Variants in CHCHD6 observed in about 807,000 individuals in gnomAD.
CHCHD6 encodes the protein MICOS complex subunit MIC25.
In CHCHD6, 28 loss-of-function variants were observed where a neutral mutation model predicts 32.3. The ratio of observed to expected loss-of-function variants is 0.87; its 90% CI spans 0.64 to 1.19. CHCHD6 has a LOEUF of 1.19. Among genes scored for constraint, CHCHD6 ranks in the 50% most tolerant of loss-of-function variants. The pLI is 0.00. For missense variants in CHCHD6, 333 were observed against 307.0 expected (o/e 1.08, Z -0.63); for synonymous variants, 122 against 117.5 (o/e 1.04, Z -0.25).
intron 6 of CHCHD6, among the ~76,000 whole-genome samples, chr3:126,947,977 C>T (rs1444914902): frequency 6.6e-6 from 1 of 152,190 alleles, no homozygotes; most frequent in African/African-American, 2.4e-5. Context: ...TGGCATGGAG[C>T]CTGGCATGTG....
chr3:126,772,462 C>T (rs988902609), intron 4 of CHCHD6, among the ~76,000 whole-genome samples: 12 of 152,124 alleles, frequency 7.9e-5, no homozygotes, highest in South Asian at 2.1e-4. Context: ...GTTAGGTCTT[C>T]GTGTTAAATT....
At chr3:126,865,068 T>TCCA (rs1188143422) in intron 5 of CHCHD6, among the ~76,000 whole-genome samples, 1 of 68,116 alleles carries the variant, frequency 1.5e-5, no homozygotes, top group South Asian at 5.8e-4. Flanking sequence ...CTCCTCCTTT[T>TCCA]CCACCACCTC....
Position 126,816,812 on chromosome 3 carries a change from G to A in CHCHD6, c.412-35835G>A, listed in dbSNP as rs146016261. 5.8e-3 allele frequency among the ~76,000 whole-genome samples: 880 copies of A among 152,024 alleles called. 5 individuals carry two copies. The highest frequency in any genetic ancestry group is 0.019 in the African/African-American group (798 of 41,420). ...TGTGCCATGTTGGTGTGCTGCACCC[G>A]TTAACTCGTCATTTACATTAGGTAT... On this transcript the variant is annotated intron_variant, in intron 4 of 7. Coordinates refer to ENST00000290913, the MANE Select transcript of CHCHD6 (RefSeq NM_032343.3).
At chr3:126,802,645 A>C (rs1302527338) in intron 4 of CHCHD6, among the ~76,000 whole-genome samples, 1 of 152,242 alleles carries the variant, frequency 6.6e-6, no homozygotes, top group South Asian at 2.1e-4. Flanking sequence ...ACTCTGCAGG[A>C]TATTATCCAG....
Position 126,730,636 on chromosome 3 carries a change from CCCGAGAGCCTGCTTGCT to C in CHCHD6, c.266+9_266+25del. 6.2e-7 allele frequency: 1 copy of C among 1,613,006 alleles called. No individual in the cohort carries two copies. Among genetic ancestry groups the C allele is most frequent in the South Asian group, 1.1e-5 (1 of 91,002 alleles). On this transcript the variant is annotated splice_region_variant and intron_variant, in intron 3 of 7. Coordinates refer to ENST00000290913, the MANE Select transcript of CHCHD6 (RefSeq NM_032343.3). ...ATGAAGGAGGGTGTCAAGAGGTGAGCCCGAGAGCCTGCTTGCTCCCGGCACTGCGCTCCGCCTAAAAG... is the reference window on the plus strand; with the variant it reads ...ATGAAGGAGGGTGTCAAGAGGTGAGCCCCGGCACTGCGCTCCGCCTAAAAG...
intron 1 of CHCHD6, among the ~76,000 whole-genome samples, chr3:126,721,701 A>ACCCCCCCCCCCCCCCC (rs1935302116): frequency 7.5e-6 from 1 of 133,794 alleles, no homozygotes; most frequent in African/African-American, 2.8e-5. Flanking sequence ...CATTTTCATC[A>ACCCCCCCCCCCCCCCC]CCCCCACCCC....
intron 6 of CHCHD6, chr3:126,957,005 G>A: frequency 4.7e-6 from 1 of 211,850 alleles, no homozygotes; most frequent in East Asian, 1.0e-4. Context: ...GGGCACAGTG[G>A]GGCGGGCTGT....
intron 6 of CHCHD6, among the ~76,000 whole-genome samples, chr3:126,922,687 A>G (rs2078269294): frequency 6.6e-6 from 1 of 150,738 alleles, no homozygotes; most frequent in African/African-American, 2.4e-5. Context: ...GTGGCATCTT[A>G]TGCAGGCATT....
chr3:126,949,390 A>G, intron 6 of CHCHD6: 1 of 220,708 alleles, frequency 4.5e-6, no homozygotes. Context: ...TGGACGGAAA[A>G]AGGGAAGGCT....
At chr3:126,866,664 C>A (rs1942298392) in intron 5 of CHCHD6, among the ~76,000 whole-genome samples, 1 of 152,252 alleles carries the variant, frequency 6.6e-6, no homozygotes, top group African/African-American at 2.4e-5. Flanking sequence ...AAATCACCTA[C>A]AATGATCTTT....
chr3:126,797,205 C>T (rs1938835540), intron 4 of CHCHD6, among the ~76,000 whole-genome samples: 2 of 152,150 alleles, frequency 1.3e-5, no homozygotes, highest in Non-Finnish European at 2.9e-5. Flanking sequence ...GCCACCTGGG[C>T]ATGTGGAAGC....
intron 4 of CHCHD6, among the ~76,000 whole-genome samples, chr3:126,772,112 GT>G (rs1010846971): frequency 6.6e-6 from 1 of 151,964 alleles, no homozygotes; most frequent in African/African-American, 2.4e-5. Flanking sequence ...TAGGTTTTTT[GT>G]TTTTTTGAGA....
At chr3:126,925,734 T>C (rs2078314306) in intron 6 of CHCHD6, among the ~76,000 whole-genome samples, 1 of 152,236 alleles carries the variant, frequency 6.6e-6, no homozygotes, top group Non-Finnish European at 1.5e-5. Flanking sequence ...TTCCGCCTTT[T>C]AATGGCTTAC....
At chr3:126,881,176 A>G (rs371753987) in intron 5 of CHCHD6, among the ~76,000 whole-genome samples, 14 of 152,310 alleles carry the variant, frequency 9.2e-5, no homozygotes, top group East Asian at 3.9e-4. Context: ...GCACTCTCCA[A>G]CTGTCCTCGT....
chr3:126,741,270 C>T (rs1936277409), intron 4 of CHCHD6, among the ~76,000 whole-genome samples: 1 of 152,116 alleles, frequency 6.6e-6, no homozygotes, highest in Admixed American at 6.5e-5. Context: ...AGGATTTACT[C>T]TTCCTCCTTC....
intron 4 of CHCHD6, among the ~76,000 whole-genome samples, chr3:126,773,147 T>C (rs1313343071): frequency 6.6e-6 from 1 of 152,166 alleles, no homozygotes; most frequent in Non-Finnish European, 1.5e-5. Flanking sequence ...GCCCTTTCTC[T>C]CTAACTGCAT....
At chr3:126,863,452 C>A (rs1319465688) in intron 5 of CHCHD6, among the ~76,000 whole-genome samples, 1 of 108,664 alleles carries the variant, frequency 9.2e-6, no homozygotes, top group Non-Finnish European at 1.9e-5. Context: ...CTCCTCCTCC[C>A]CCACTGTCAC....
chr3:126,836,548 C>T (rs1940870249), intron 4 of CHCHD6, among the ~76,000 whole-genome samples: 1 of 152,200 alleles, frequency 6.6e-6, no homozygotes, highest in African/African-American at 2.4e-5. Flanking sequence ...GTGTCTCATT[C>T]ATCGCAGGAT....
intron 4 of CHCHD6, among the ~76,000 whole-genome samples, chr3:126,768,167 T>G (rs1469772898): frequency 2.0e-5 from 3 of 152,168 alleles, no homozygotes; most frequent in Non-Finnish European, 2.9e-5. Context: ...GGGGTAGATT[T>G]CTCATGCATG....
Sources: allele counts gnomAD v4.1 joint callset (sites outside exome capture counted in the v4.1 genomes callset), GRCh38; gene constraint gnomAD v4.1.1; transcripts MANE v1.5; gene names NCBI Gene and HGNC (gene_info 2026-07-23, HGNC 2026-07-21).